Variants in USP7 observed in about 807,000 individuals in gnomAD.
USP7 encodes ubiquitin C-terminal hydrolase 7.
In USP7, 9 loss-of-function variants were observed where a neutral mutation model predicts 162.9. The observed-to-expected ratio is 0.06, with a 90% CI of 0.03 to 0.10. The LOEUF is 0.10. Ranked by LOEUF, USP7 falls within the 10% of genes least tolerant of loss-of-function variation. The pLI is 1.00. For synonymous variants in USP7, 562 were observed against 475.9 expected (o/e 1.18, Z -2.35); for missense variants, 715 against 1,373.7 (o/e 0.52, Z 7.58).
intron 1 of USP7, among the ~76,000 whole-genome samples, chr16:8,939,083 A>T (rs895663650): frequency 6.6e-6 from 1 of 152,116 alleles, no homozygotes; most frequent in African/African-American, 2.4e-5. Flanking sequence ...CAGGGTCCTG[A>T]TGTAACCCAC....
chr16:8,958,742 A>C (rs549078239), intron 1 of USP7, among the ~76,000 whole-genome samples: 1 of 152,338 alleles, frequency 6.6e-6, no homozygotes, highest in East Asian at 1.9e-4. Context: ...AATCATCAGA[A>C]GGCCACCAGG....
rs2061645156 is a variant in USP7 at position 8,894,111 on chromosome 16, G to C, written c.3203-7C>G. On this transcript the variant is annotated splice_polypyrimidine_tract_variant and splice_region_variant and intron_variant, in intron 30 of 30. Coordinates refer to ENST00000344836, the MANE Select transcript of USP7 (RefSeq NM_003470.3). ...CGAGGATGAGACATATTACCTGGTG[G>C]GGATGAAGAAAAGCAAGTGAGGCCA... is the stretch of plus-strand genomic sequence containing the variant. 6.2e-7 allele frequency: 1 copy of C among 1,613,640 alleles called. No homozygotes were observed.
chr16:8,943,683 C>T (rs1030124100), intron 1 of USP7, among the ~76,000 whole-genome samples: 4 of 152,142 alleles, frequency 2.6e-5, no homozygotes, highest in Non-Finnish European at 4.4e-5. Context: ...GAATGGCTGG[C>T]GGGAACACAC....
chr16:8,933,106 A>C (rs1269449146), intron 1 of USP7, among the ~76,000 whole-genome samples: 2 of 152,054 alleles, frequency 1.3e-5, no homozygotes, highest in Non-Finnish European at 2.9e-5. Flanking sequence ...ACGCTTGGCT[A>C]ATTTTGTATT....
intron 21 of USP7, 92 bp from the exon 22 acceptor site, chr16:8,899,849 C>G (rs1334883363): frequency 2.8e-6 from 4 of 1,405,024 alleles, no homozygotes; most frequent in African/African-American, 1.4e-5. Context: ...AACAGTGACA[C>G]CAACAGGCTC....
intron 4 of USP7, 129 bp downstream of exon 4, chr16:8,921,028 A>G (rs1897665087): frequency 3.8e-6 from 4 of 1,054,072 alleles, no homozygotes; most frequent in Non-Finnish European, 5.3e-6. Flanking sequence ...ATGTTTTCAA[A>G]GACACTTGTC....
At chr16:8,929,676 G>A (rs1898205641) in intron 2 of USP7, 2 of 423,184 alleles carry the variant, frequency 4.7e-6, no homozygotes, top group African/African-American at 4.1e-5. Context: ...GTGTGACTGT[G>A]CAAATATTGA....
chr16:8,926,561 G>C (rs1398714146), intron 2 of USP7, among the ~76,000 whole-genome samples: 1 of 152,240 alleles, frequency 6.6e-6, no homozygotes, highest in Non-Finnish European at 1.5e-5. Flanking sequence ...CGGCCAGCCA[G>C]ATTGTCCTCC....
At chr16:8,956,739 G>A (rs1899820549) in intron 1 of USP7, among the ~76,000 whole-genome samples, 1 of 151,438 alleles carries the variant, frequency 6.6e-6, no homozygotes, top group African/African-American at 2.4e-5. Context: ...CTCCAGCCTG[G>A]GTAACGAATT....
At chr16:8,894,487 CCCAGA>C in intron 30 of USP7, 58 bp downstream of exon 30, 1 of 1,562,884 alleles carries the variant, frequency 6.4e-7, no homozygotes, top group Non-Finnish European at 8.7e-7. Flanking sequence ...CCCTCCCAGC[CCCAGA>C]CCACTTGTTT....
Position 8,915,426 on chromosome 16 carries a change from A to G in USP7, c.987+19T>C. On this transcript the variant is annotated intron_variant, in intron 9 of 30. Coordinates refer to ENST00000344836, the MANE Select transcript of USP7 (RefSeq NM_003470.3). The stretch of plus-strand genomic sequence containing the variant: ...CTAAAACCTTTAAAAATCATCTTTT[A>G]GAACTGGTAGCCACATACCACCATT... 2 of 1,613,808 alleles carry G rather than the reference A, an allele frequency of 1.2e-6. No homozygotes were observed. Among genetic ancestry groups the G allele is most frequent in the Non-Finnish European group, 1.7e-6 (2 of 1,179,942 alleles).
At chr16:8,939,227 A>T (rs749249047) in intron 1 of USP7, among the ~76,000 whole-genome samples, 14 of 152,150 alleles carry the variant, frequency 9.2e-5, no homozygotes, top group Non-Finnish European at 1.9e-4. Context: ...CACCACAAGG[A>T]TCCCTCCAGT....
intron 25 of USP7, 112 bp downstream of exon 25, chr16:8,898,248 T>C (rs1395214226): frequency 2.2e-6 from 2 of 923,278 alleles, no homozygotes; most frequent in Non-Finnish European, 1.7e-6. Flanking sequence ...CATCATGTGC[T>C]GTTGTTTAGA....
At chr16:8,901,320 G>GAA in intron 18 of USP7, 86 bp from the exon 19 acceptor site, 4 of 663,356 alleles carry the variant, frequency 6.0e-6, no homozygotes, top group Non-Finnish European at 1.0e-5. Flanking sequence ...ACAAAAAAAC[G>GAA]AAAAAAAAAA....
At chr16:8,944,540 G>A (rs1213535582) in intron 1 of USP7, among the ~76,000 whole-genome samples, 1 of 152,212 alleles carries the variant, frequency 6.6e-6, no homozygotes, top group East Asian at 1.9e-4. Context: ...GCTAATGTAA[G>A]TCCTTTAAAA....
At chr16:8,902,274 G>A (rs1221217156) in intron 17 of USP7, 87 bp from the exon 18 acceptor site, 39 of 1,575,368 alleles carry the variant, frequency 2.5e-5, no homozygotes, top group Non-Finnish European at 3.0e-5. Flanking sequence ...TGAAGAAAAC[G>A]TCCAATTCTA....
intron 14 of USP7, among the ~76,000 whole-genome samples, chr16:8,904,890 A>T (rs567743956): frequency 2.0e-5 from 3 of 152,264 alleles, no homozygotes; most frequent in African/African-American, 7.2e-5. Flanking sequence ...GAGAGTGGCG[A>T]GAACCCGGGA....
At position 8,904,390 on chromosome 16, in the gene USP7, C is replaced by T. The variant is rs1390443986; in HGVS notation, c.1704+45G>A. Reference sequence around the variant, plus strand: ...CTGCACTTGTGTATAGAGATGGGTGCCCGGCTGCATGGTGACCCGGAGTCC... The same window carrying T: ...CTGCACTTGTGTATAGAGATGGGTGTCCGGCTGCATGGTGACCCGGAGTCC... On this transcript the variant is annotated intron_variant, in intron 15 of 30. Coordinates refer to ENST00000344836, the MANE Select transcript of USP7 (RefSeq NM_003470.3). 5 of 1,604,872 alleles carry T rather than the reference C, an allele frequency of 3.1e-6. No individual in the cohort carries two copies. The East Asian group carries it at 6.7e-5, about 22-fold the overall frequency.
Position 8,934,936 on chromosome 16 carries a change from TAAGACATGGTA to T in USP7, c.80-4550_80-4540del, listed in dbSNP as rs368304583. ...TCCGCAAGAGGATTAAAATTTTAAT[TAAGACATGGTA>T]AATCCCTAGTCCAGAAGTAAATGAT... is the stretch of plus-strand genomic sequence containing the variant. On this transcript the variant is annotated intron_variant, in intron 1 of 30. Transcript: ENST00000344836. Among the ~76,000 whole-genome samples the T allele has an allele frequency of 2.8e-3, 428 of 152,342 alleles. 2 individuals carry two copies. Among genetic ancestry groups the T allele is most frequent in the African/African-American group, 9.5e-3 (394 of 41,576 alleles).
Sources: allele counts gnomAD v4.1 joint callset (sites outside exome capture counted in the v4.1 genomes callset), GRCh38; gene constraint gnomAD v4.1.1; transcripts MANE v1.5; gene names NCBI Gene and HGNC (gene_info 2026-07-23, HGNC 2026-07-21).